Variants in NTM observed in about 807,000 individuals in gnomAD.
NTM encodes neurotrimin.
Under a neutral mutation model 42.1 loss-of-function variants are expected in NTM, and 13 were observed. The observed-to-expected ratio is 0.31, with a 90% CI of 0.20 to 0.49. The LOEUF is 0.49. NTM is among the 20% of genes least tolerant of loss of function. The probability of loss-of-function intolerance (pLI) is 0.99; values close to 1 mark genes in which losing one functional copy is unlikely to be tolerated. For synonymous variants in NTM, 187 were observed against 179.2 expected, an observed-to-expected ratio of 1.04 and a Z score of -0.35; for missense variants, 373 against 452.8, an observed-to-expected ratio of 0.82 and a Z score of 1.60.
intron 2 of NTM, among the ~76,000 whole-genome samples, chr11:131,999,020 A>G (rs138229696): frequency 6.6e-6 from 1 of 152,262 alleles, no homozygotes; most frequent in East Asian, 1.9e-4. Flanking sequence ...CAGATCCAGA[A>G]TCACTCAGCC....
At chr11:132,098,026 A>C (rs2061226282) in intron 2 of NTM, among the ~76,000 whole-genome samples, 1 of 152,256 alleles carries the variant, frequency 6.6e-6, no homozygotes, top group Non-Finnish European at 1.5e-5. Context: ...TTGCTGTAAC[A>C]GGTATTGTTA....
chr11:132,215,568 G>T (rs1429567892), intron 4 of NTM, among the ~76,000 whole-genome samples: 3 of 152,204 alleles, frequency 2.0e-5, no homozygotes, highest in African/African-American at 7.2e-5. Flanking sequence ...AGGGCCCTGT[G>T]TAGCACTTTA....
intron 1 of NTM, among the ~76,000 whole-genome samples, chr11:131,714,296 C>A (rs987435569): frequency 2.6e-5 from 4 of 152,142 alleles, no homozygotes; most frequent in African/African-American, 9.7e-5. Context: ...TCAAGCGATT[C>A]TCTGACTTTA....
At chr11:131,954,778 T>C (rs998622632) in intron 2 of NTM, among the ~76,000 whole-genome samples, 1 of 152,198 alleles carries the variant, frequency 6.6e-6, no homozygotes, top group African/African-American at 2.4e-5. Flanking sequence ...TCTGTCGGTA[T>C]TTTCTACAGT....
chr11:132,128,937 C>CA lies in NTM; in HGVS notation c.168-17315dup, dbSNP rs66598841. ...TGGGCGATAGAGCGAGACACCATCT[C>CA]AAAAAAAAAAAAAAAAAAAAAAAAA... On this transcript the variant is annotated intron_variant, in intron 2 of 8. Transcript: ENST00000683400. Among the ~76,000 whole-genome samples, 387 of 66,088 alleles carry CA rather than the reference C, an allele frequency of 5.9e-3. 17 individuals are homozygous for CA. Among genetic ancestry groups the CA allele is most frequent in the East Asian group, 8.4e-3 (13 of 1,556 alleles). 43.4% of individuals were successfully genotyped at this position (66,088 alleles called of 152,430 possible).
chr11:131,861,250 C>T (rs2046601978), intron 1 of NTM, among the ~76,000 whole-genome samples: 1 of 152,210 alleles, frequency 6.6e-6, no homozygotes, highest in Admixed American at 6.5e-5. Context: ...GAAGGCTGTA[C>T]GGTCCTATCC....
At chr11:131,455,630 A>G (rs1238776115) in intron 1 of NTM, among the ~76,000 whole-genome samples, 1 of 152,182 alleles carries the variant, frequency 6.6e-6, no homozygotes, top group Non-Finnish European at 1.5e-5. Flanking sequence ...GTCCAGGCTC[A>G]AATAGAGGTC....
chr11:131,559,217 C>T (rs1474311180), intron 1 of NTM, among the ~76,000 whole-genome samples: 3 of 152,202 alleles, frequency 2.0e-5, no homozygotes, highest in Non-Finnish European at 4.4e-5. Flanking sequence ...TCACACATTT[C>T]CAGCCATGTG....
intron 1 of NTM, among the ~76,000 whole-genome samples, chr11:131,517,374 A>C (rs2049024639): frequency 6.6e-6 from 1 of 152,278 alleles, no homozygotes; most frequent in South Asian, 2.1e-4. Context: ...TGTCACCTCC[A>C]TCCTTGGTTA....
At chr11:131,403,074 T>G (rs2513535) in intron 1 of NTM, among the ~76,000 whole-genome samples, 43,096 of 152,150 alleles carry the variant, frequency 0.28, 6,218 homozygotes, top group Middle Eastern at 0.39. Context: ...ACCAATCTGC[T>G]TACAACTTTT....
At chr11:131,891,702 C>T (rs1161515812) in intron 1 of NTM, among the ~76,000 whole-genome samples, 1 of 152,122 alleles carries the variant, frequency 6.6e-6, no homozygotes, top group Non-Finnish European at 1.5e-5. Context: ...CTATAAATCC[C>T]ATGTATTTTT....
chr11:131,965,150 A>G (rs2134578252), intron 2 of NTM, among the ~76,000 whole-genome samples: 1 of 152,316 alleles, frequency 6.6e-6, no homozygotes, highest in East Asian at 1.9e-4. Context: ...GAAGTGCATG[A>G]CAAAGCAATG....
intron 1 of NTM, among the ~76,000 whole-genome samples, chr11:131,657,052 G>A (rs1158564040): frequency 6.6e-6 from 1 of 152,006 alleles, no homozygotes; most frequent in Middle Eastern, 3.2e-3. Flanking sequence ...GGGGAGGAAG[G>A]CGGGCCTGGA....
At chr11:132,178,412 C>T (rs1216229290) in intron 3 of NTM, among the ~76,000 whole-genome samples, 3 of 152,162 alleles carry the variant, frequency 2.0e-5, no homozygotes, top group African/African-American at 7.2e-5. Context: ...AAAGAAATTT[C>T]CAGCCTAACC....
At chr11:131,449,198 G>A (rs1246713396) in intron 1 of NTM, among the ~76,000 whole-genome samples, 5 of 152,212 alleles carry the variant, frequency 3.3e-5, no homozygotes, top group African/African-American at 7.2e-5. Context: ...TAATGGAGCT[G>A]CCGTGCAGTA....
chr11:131,784,100 A>G (rs2088686952), intron 1 of NTM, among the ~76,000 whole-genome samples: 1 of 152,210 alleles, frequency 6.6e-6, no homozygotes, highest in Non-Finnish European at 1.5e-5. Flanking sequence ...CTCTTCCCAC[A>G]TTCTAGGATA....
chr11:131,948,690 T>G (rs1006382264), intron 2 of NTM, among the ~76,000 whole-genome samples: 4 of 152,188 alleles, frequency 2.6e-5, no homozygotes, highest in Non-Finnish European at 5.9e-5. Flanking sequence ...CTTACTTCTT[T>G]CAAGATGGCA....
At chr11:132,207,710 G>T (rs1354650422) in intron 3 of NTM, among the ~76,000 whole-genome samples, 1 of 152,120 alleles carries the variant, frequency 6.6e-6, no homozygotes, top group Non-Finnish European at 1.5e-5. Context: ...GATAGTGCTT[G>T]CCTTATGTTG....
chr11:132,136,769 G>A (rs978379300), intron 2 of NTM, among the ~76,000 whole-genome samples: 4 of 152,130 alleles, frequency 2.6e-5, no homozygotes, highest in Admixed American at 1.3e-4. Flanking sequence ...TATGGATGGT[G>A]CTTTAGGGTG....
Sources: gnomAD v4.1 joint callset for allele counts (sites outside exome capture counted in the v4.1 genomes callset) on GRCh38, gnomAD v4.1.1 for gene constraint, MANE v1.5 for transcripts, NCBI Gene and HGNC (gene_info 2026-07-23, HGNC 2026-07-21) for gene names.